Variants in DNAH8 observed in about 807,000 individuals in gnomAD.
DNAH8 encodes dynein axonemal heavy chain 8.
DNAH8 carries 382 observed loss-of-function variants against 562.1 expected under a neutral mutation model. The observed-to-expected ratio is 0.68, with a 90% CI of 0.63 to 0.74. The LOEUF (loss-of-function observed/expected upper bound fraction) is 0.74, where lower values mean the gene tolerates loss of function less well. Among genes scored for constraint, DNAH8 ranks in the 30% least tolerant of loss-of-function variants. The pLI is 0.00. For synonymous variants in DNAH8, 1,881 were observed against 1,919.4 expected, an observed-to-expected ratio of 0.98 and a Z score of 0.52; for missense variants, 5,203 against 5,620.4, an observed-to-expected ratio of 0.93 and a Z score of 2.37.
At chr6:38,907,001 A>C (rs569941340) in intron 63 of DNAH8, among the ~76,000 whole-genome samples, 139 of 152,338 alleles carry the variant, frequency 9.1e-4, no homozygotes, top group Non-Finnish European at 1.7e-3. Context: ...CCAGTAAGTG[A>C]AATGCAAACA....
At chr6:38,981,598 G>A (rs1001397333) in intron 85 of DNAH8, among the ~76,000 whole-genome samples, 3 of 152,220 alleles carry the variant, frequency 2.0e-5, no homozygotes, top group Non-Finnish European at 4.4e-5. Context: ...GCAAAGGGAA[G>A]CCATCACAGA....
intron 74 of DNAH8, chr6:38,928,076 C>T (rs1782252255): frequency 6.6e-6 from 1 of 152,208 alleles, no homozygotes; most frequent in African/African-American, 2.4e-5. Context: ...ATCTCCAGGA[C>T]CTACAGCTCT....
chr6:38,808,693 A>G (rs1023983186), intron 24 of DNAH8, among the ~76,000 whole-genome samples: 2 of 152,226 alleles, frequency 1.3e-5, no homozygotes, highest in Non-Finnish European at 2.9e-5. Flanking sequence ...AGCAACCCAA[A>G]TGCCCATCAG....
Position 38,908,131 on chromosome 6 carries a change from AT to A in DNAH8, c.9513+16del. The A allele has an allele frequency of 4.0e-6, 6 of 1,506,714 alleles. No individual in the cohort carries two copies. The highest frequency in any genetic ancestry group is 5.4e-6 in the Non-Finnish European group (6 of 1,118,824). 93.3% of individuals were successfully genotyped at this position (1,506,714 alleles called of 1,614,324 possible). ...CTCTGCTTTTCTCCAGTAAGTTTTT[AT>A]TTTTATTTATATCTACGTAGAAAGA... On this transcript the variant is annotated intron_variant, in intron 64 of 92. Transcript: ENST00000327475.
At chr6:38,772,856 G>A (rs1767702424) in intron 12 of DNAH8, among the ~76,000 whole-genome samples, 2 of 150,906 alleles carry the variant, frequency 1.3e-5, no homozygotes, top group South Asian at 2.1e-4. Flanking sequence ...GGTCCTGTTT[G>A]TGTTACTCAG....
intron 11 of DNAH8, among the ~76,000 whole-genome samples, chr6:38,769,270 GCAGGT>G (rs760639053): frequency 6.6e-5 from 10 of 152,184 alleles, no homozygotes; most frequent in Non-Finnish European, 1.5e-4. Context: ...TGCAGAATGT[GCAGGT>G]TTGTTACATA....
chr6:38,808,139 G>A (rs1473647561), intron 24 of DNAH8, among the ~76,000 whole-genome samples: 1 of 152,170 alleles, frequency 6.6e-6, no homozygotes, highest in African/African-American at 2.4e-5. Flanking sequence ...TATGTAGTTG[G>A]AGTATACGTA....
At chr6:38,718,794 C>T (rs977430431) in intron 1 of DNAH8, among the ~76,000 whole-genome samples, 2 of 152,152 alleles carry the variant, frequency 1.3e-5, no homozygotes, top group East Asian at 3.9e-4. Flanking sequence ...TTAACAGATT[C>T]TGAATCCTTG....
intron 84 of DNAH8, among the ~76,000 whole-genome samples, 179 bp downstream of exon 84, chr6:38,973,992 A>T (rs1763512823): frequency 6.6e-6 from 1 of 152,194 alleles, no homozygotes; most frequent in African/African-American, 2.4e-5. Flanking sequence ...TGTAGTAAAT[A>T]TTTCCATAGA....
intron 45 of DNAH8, among the ~76,000 whole-genome samples, chr6:38,865,256 C>T (rs1776948987): frequency 6.6e-6 from 1 of 152,118 alleles, no homozygotes. Context: ...AGAAATGTTT[C>T]TGATACACTT....
intron 63 of DNAH8, among the ~76,000 whole-genome samples, chr6:38,906,920 A>T (rs1010506682): frequency 6.6e-6 from 1 of 152,220 alleles, no homozygotes; most frequent in Non-Finnish European, 1.5e-5. Context: ...GAGCACGGAC[A>T]TGATGCTCAA....
chr6:38,911,409 G>A, intron 65 of DNAH8, 59 bp from the exon 66 acceptor site: 4 of 1,222,228 alleles, frequency 3.3e-6, no homozygotes, highest in Non-Finnish European at 4.9e-6. Flanking sequence ...TGGGAAAGGT[G>A]TCGTTTTATG....
intron 8 of DNAH8, 42 bp from the exon 9 acceptor site, chr6:38,750,434 T>C: frequency 7.4e-7 from 1 of 1,357,838 alleles, no homozygotes. Context: ...CACACTGATA[T>C]ATTTGGATGT....
At chr6:39,006,508 C>A (rs1312961599) in intron 88 of DNAH8, among the ~76,000 whole-genome samples, 1 of 152,200 alleles carries the variant, frequency 6.6e-6, no homozygotes, top group Admixed American at 6.5e-5. Context: ...CTCTTTCTCA[C>A]AGTTCCTTGT....
rs754502447 is a variant in DNAH8 at position 38,737,220 on chromosome 6, A to G, written c.916A>G (p.Thr306Ala). The change falls in exon 6 of 93, where the codon ACT becomes GCT. Residue 306 changes from threonine (T) to alanine (A), a missense_variant. By Grantham distance (58) the Thr-to-Ala change is moderately conservative. Coordinates refer to ENST00000327475, the MANE Select transcript of DNAH8 (RefSeq NM_001206927.2). Reference sequence around the variant, plus strand: ...GGGAGAATCTGAAAAACATATTTTCACTGAAACCATCAACAGATATCTTTC... The same window carrying G: ...GGGAGAATCTGAAAAACATATTTTCGCTGAAACCATCAACAGATATCTTTC... ...KQGESEKHIF[T>A]ETINRYLSFL... 1 of 1,516,142 alleles carries G rather than the reference A, an allele frequency of 6.6e-7. No homozygotes were observed. Among genetic ancestry groups the G allele is most frequent in the Admixed American group, 2.2e-5 (1 of 45,118 alleles). The allele number at this position is 1,516,142 out of a possible 1,614,324, so 93.9% of individuals were successfully genotyped here. A position where few individuals can be genotyped will look rare whatever the true frequency, so the allele number is the denominator to read the frequency against.
At chr6:39,004,602 T>G (rs544278653) in intron 88 of DNAH8, among the ~76,000 whole-genome samples, 14 of 152,340 alleles carry the variant, frequency 9.2e-5, no homozygotes, top group African/African-American at 2.6e-4. Context: ...AAGTGGACAA[T>G]AAATGATTTC....
At position 38,935,559 on chromosome 6, in the gene DNAH8, G is replaced by T. The variant is rs767683185; in HGVS notation, c.11458-33G>T. The T allele has an allele frequency of 3.4e-6, 5 of 1,468,542 alleles. No homozygotes were observed. The African/African-American group carries it at 5.6e-5, about 16-fold the overall frequency. The allele number at this position is 1,468,542 out of a possible 1,614,324, so 91.0% of individuals were successfully genotyped here. Reference sequence around the variant, plus strand: ...TTTACTGTAATAACTGGTAATTATAGTTCCAATGTTATTTTTTGTTTTTTA... The same window carrying T: ...TTTACTGTAATAACTGGTAATTATATTTCCAATGTTATTTTTTGTTTTTTA... On this transcript the variant is annotated intron_variant, in intron 76 of 92. Transcript: ENST00000327475.
chr6:38,808,173 G>A (rs1771467901), intron 24 of DNAH8, among the ~76,000 whole-genome samples: 1 of 152,208 alleles, frequency 6.6e-6, no homozygotes, highest in African/African-American at 2.4e-5. Context: ...TTCTACTGGT[G>A]ATGGTGATTT....
chr6:38,881,278 TTCA>T (rs900461397), intron 53 of DNAH8, among the ~76,000 whole-genome samples: 9 of 152,226 alleles, frequency 5.9e-5, no homozygotes, highest in African/African-American at 1.9e-4. Flanking sequence ...TGAGTATTTG[TTCA>T]TCATTGTTTC....
Sources: gnomAD v4.1 joint callset for allele counts (sites outside exome capture counted in the v4.1 genomes callset) on GRCh38, gnomAD v4.1.1 for gene constraint, MANE v1.5 for transcripts, NCBI Gene and HGNC (gene_info 2026-07-23, HGNC 2026-07-21) for gene names.